ANKHD1: variants seen among roughly 807,000 people sequenced by gnomAD.
The protein encoded by ANKHD1 is ankyrin repeat and KH domain containing 1.
A neutral mutation model predicts 230.5 loss-of-function variants in ANKHD1; 31 were observed. That is an observed-to-expected ratio of 0.13 (90% CI 0.10 to 0.18). The LOEUF (loss-of-function observed/expected upper bound fraction) is 0.18. Among genes scored for constraint, ANKHD1 ranks in the 10% least tolerant of loss-of-function variants. The pLI is 1.00. For synonymous variants in ANKHD1, 1,074 were observed against 1,117.6 expected (o/e 0.96, Z 0.78); for missense variants, 2,256 against 3,071.3 (o/e 0.73, Z 6.27).
At chr5:140,484,973 T>G in intron 11 of ANKHD1, 148 bp from the exon 12 acceptor site, 1 of 1,284,252 alleles carries the variant, frequency 7.8e-7, no homozygotes. Context: ...TGTGTTCATT[T>G]TGTGAAAAAA....
chr5:140,484,434 A>T (rs1195342857), intron 11 of ANKHD1, among the ~76,000 whole-genome samples: 2 of 152,212 alleles, frequency 1.3e-5, no homozygotes, highest in African/African-American at 4.8e-5. Flanking sequence ...TGCCTTTCAG[A>T]TAACATATCT....
At chr5:140,490,990 C>A (rs1262195948) in intron 14 of ANKHD1, among the ~76,000 whole-genome samples, 1 of 149,994 alleles carries the variant, frequency 6.7e-6, no homozygotes, top group African/African-American at 2.5e-5. Flanking sequence ...CCCTGCTTCC[C>A]CCATAGATAA....
chr5:140,524,440 G>T (rs375888253), intron 25 of ANKHD1, among the ~76,000 whole-genome samples, 200 bp downstream of exon 25: 1 of 152,190 alleles, frequency 6.6e-6, no homozygotes, highest in African/African-American at 2.4e-5. Context: ...GAAAACAAGC[G>T]CATAATTTGA....
chr5:140,479,887 A>G (rs935970894), intron 10 of ANKHD1, among the ~76,000 whole-genome samples: 2 of 150,700 alleles, frequency 1.3e-5, no homozygotes, highest in African/African-American at 4.9e-5. Flanking sequence ...TAATGTATGT[A>G]TATAATGGGA....
intron 30 of ANKHD1, 104 bp from the exon 31 acceptor site, chr5:140,537,285 T>C (rs1489108764): frequency 6.8e-7 from 1 of 1,475,958 alleles, no homozygotes; most frequent in Non-Finnish European, 9.0e-7. Context: ...GTTTCTCATA[T>C]TCTTATAGTT....
At chr5:140,458,917 TA>T in intron 8 of ANKHD1, 55 bp downstream of exon 8, 1 of 1,396,880 alleles carries the variant, frequency 7.2e-7, no homozygotes, top group Non-Finnish European at 9.6e-7. Context: ...TGTTTTGTGT[TA>T]GTACTGGTGA....
Position 140,527,186 on chromosome 5 carries a change from G to T in ANKHD1, c.5087+112G>T. The T allele has an allele frequency of 1.5e-6, 2 of 1,372,550 alleles. No homozygotes were observed. The highest frequency in any genetic ancestry group is 3.2e-5 in the Admixed American group (1 of 30,918). 85.0% of individuals were successfully genotyped at this position (1,372,550 alleles called of 1,614,324 possible). A position where few individuals can be genotyped will look rare whatever the true frequency, so the allele number is the denominator to read the frequency against. On this transcript the variant is annotated intron_variant, in intron 27 of 33. Coordinates refer to ENST00000360839, the MANE Select transcript of ANKHD1 (RefSeq NM_017747.3). The surrounding 1 kb of genome is among the most constrained non-coding windows in gnomAD (Gnocchi z 4.5). ...TTGAATGTGGTTATTATTTTAAACTGCATTGCCACACTAAATCCAGAATAT... is the reference window on the plus strand; with the variant it reads ...TTGAATGTGGTTATTATTTTAAACTTCATTGCCACACTAAATCCAGAATAT...
In ANKHD1 at chr5:140,485,876, G is replaced by T; in HGVS notation, c.2142+144G>T. The T allele has an allele frequency of 2.4e-6, 3 of 1,268,178 alleles. No individual in the cohort carries two copies. The highest frequency in any genetic ancestry group is 3.2e-6 in the Non-Finnish European group (3 of 942,680). The allele number at this position is 1,268,178 out of a possible 1,614,324, so 78.6% of individuals were successfully genotyped here. A position where few individuals can be genotyped will look rare whatever the true frequency, so the allele number is the denominator to read the frequency against. Reference sequence around the variant, plus strand: ...AAAATCATGACTCTAAATTCTTTAGGATTTATTTTCTTTAAAGGTACACTG... The same window carrying T: ...AAAATCATGACTCTAAATTCTTTAGTATTTATTTTCTTTAAAGGTACACTG... On this transcript the variant is annotated intron_variant, in intron 13 of 33. Transcript: ENST00000360839. The surrounding 1 kb of genome is among the most constrained non-coding windows in gnomAD (Gnocchi z 4.8).
Position 140,485,349 on chromosome 5 carries a change from G to A in ANKHD1, c.1998+101G>A. ...AGGCGGGTGGATCACTTGAGCCCAG[G>A]AGTTTGAGACTAGTCTAGGCAACAT... On this transcript the variant is annotated intron_variant, in intron 12 of 33. Coordinates refer to ENST00000360839, the MANE Select transcript of ANKHD1 (RefSeq NM_017747.3). This position sits in a 1 kb window ranked among gnomAD's most constrained non-coding sequence, Gnocchi z 4.8. 6.9e-7 allele frequency: 1 copy of A among 1,453,176 alleles called. No individual in the cohort carries two copies. Among genetic ancestry groups the A allele is most frequent in the South Asian group, 1.4e-5 (1 of 70,710 alleles). The allele number at this position is 1,453,176 out of a possible 1,614,324, so 90.0% of individuals were successfully genotyped here. A position where few individuals can be genotyped will look rare whatever the true frequency, so the allele number is the denominator to read the frequency against.
chr5:140,478,977 T>G (rs1376921649), intron 10 of ANKHD1, among the ~76,000 whole-genome samples: 2 of 122,366 alleles, frequency 1.6e-5, no homozygotes, highest in East Asian at 4.6e-4. Context: ...TATTTTTATT[T>G]TATTTATTTT....
chr5:140,528,230 C>A lies in ANKHD1; in HGVS notation c.5284C>A (p.Leu1762Ile). 6 of 1,611,164 alleles carry A rather than the reference C, an allele frequency of 3.7e-6. No homozygotes were observed. The highest frequency in any genetic ancestry group is 5.1e-6 in the Non-Finnish European group (6 of 1,179,382). Residue 1762 changes from leucine (L) to isoleucine (I), a missense_variant, in exon 29 of 34, where the codon CTC becomes ATC. By Grantham distance (5) the Leu-to-Ile change is conservative (BLOSUM62 2). Coordinates refer to ENST00000360839, the MANE Select transcript of ANKHD1 (RefSeq NM_017747.3). Reference sequence around the variant, plus strand: ...ATATGCAGTTCAACTAATCAATGCACTCATTCAAGATCCTGCTAAGGAACT... The same window carrying A: ...ATATGCAGTTCAACTAATCAATGCAATCATTCAAGATCCTGCTAAGGAACT... ...TRYAVQLINA[L>I]IQDPAKELED...
chr5:140,448,934 T>C (rs1038779740), intron 6 of ANKHD1, among the ~76,000 whole-genome samples: 3 of 152,216 alleles, frequency 2.0e-5, no homozygotes, highest in Non-Finnish European at 4.4e-5. Context: ...AAATAATTTA[T>C]GTATTTTCAA....
intron 14 of ANKHD1, among the ~76,000 whole-genome samples, chr5:140,493,702 AC>A (rs976115397): frequency 6.6e-6 from 1 of 152,062 alleles, no homozygotes; most frequent in African/African-American, 2.4e-5. Context: ...TTTGAGATGA[AC>A]CACTTTTTAT....
chr5:140,484,101 C>T (rs868365951), intron 11 of ANKHD1, among the ~76,000 whole-genome samples: 4 of 152,224 alleles, frequency 2.6e-5, no homozygotes, highest in African/African-American at 4.8e-5. Flanking sequence ...TTTATTGCTG[C>T]GTTTTACCTT....
intron 29 of ANKHD1, among the ~76,000 whole-genome samples, chr5:140,530,000 TTAA>T (rs1288946400): frequency 1.3e-5 from 2 of 152,044 alleles, no homozygotes; most frequent in Non-Finnish European, 2.9e-5. Context: ...TCTATTCATA[TTAA>T]TAAAAAAAAC....
intron 1 of ANKHD1, among the ~76,000 whole-genome samples, chr5:140,409,703 C>G (rs111791744): frequency 0.016 from 2,459 of 152,066 alleles, 75 homozygotes; most frequent in African/African-American, 0.056. Flanking sequence ...CAGGCCCGTG[C>G]CACCACGCTC....
At chr5:140,432,257 T>A (rs1360133452) in intron 1 of ANKHD1, among the ~76,000 whole-genome samples, 1 of 152,186 alleles carries the variant, frequency 6.6e-6, no homozygotes. Context: ...ATTCTTCCCT[T>A]CTCCACTCCC....
At chr5:140,500,443 A>C (rs559077632) in intron 15 of ANKHD1, among the ~76,000 whole-genome samples, 4 of 152,132 alleles carry the variant, frequency 2.6e-5, no homozygotes, top group Middle Eastern at 3.4e-3. Flanking sequence ...TGAAATCAGG[A>C]GTTCAAGACC....
At chr5:140,402,823 G>A (rs1358792539) in intron 1 of ANKHD1, among the ~76,000 whole-genome samples, 1 of 152,044 alleles carries the variant, frequency 6.6e-6, no homozygotes, top group Non-Finnish European at 1.5e-5. Context: ...GAAAAATCAC[G>A]TGACTCCTCC....
Sources: gnomAD v4.1 joint callset for allele counts (sites outside exome capture counted in the v4.1 genomes callset) on GRCh38, gnomAD v4.1.1 for gene constraint, Gnocchi (gnomAD v3.1) non-coding constraint, MANE v1.5 for transcripts, NCBI Gene and HGNC (gene_info 2026-07-23, HGNC 2026-07-21) for gene names.